The following EIF5A2 variants were observed in gnomAD, a reference collection of about 807,000 sequenced individuals.
EIF5A2 encodes the protein eukaryotic translation initiation factor 5A2, also known as eukaryotic translation initiation factor 5A-2.
A neutral mutation model predicts 16.4 loss-of-function variants in EIF5A2; 15 were observed. The observed-to-expected ratio is 0.92, with a 90% CI of 0.61 to 1.41. The LOEUF is 1.41. Among genes scored for constraint, EIF5A2 ranks in the 40% most tolerant of loss-of-function variants. The probability of loss-of-function intolerance (pLI) is 0.00; values close to 1 mark genes in which losing one functional copy is unlikely to be tolerated. For synonymous variants in EIF5A2, 48 were observed against 61.1 expected (o/e 0.79, Z 1.00); for missense variants, 144 against 189.5 (o/e 0.76, Z 1.41).
intron 1 of EIF5A2, among the ~76,000 whole-genome samples, chr3:170,908,254 AGCACCCGGCCCTCTGCTAGCTGGCGC>A (rs1162685634): frequency 6.6e-6 from 1 of 152,172 alleles, no homozygotes; most frequent in African/African-American, 2.4e-5. Flanking sequence ...CCTGGCCAGC[AGCACCCGGCCCTCTGCTAGCTGGCGC>A]GCACCCCGCC....
At chr3:170,899,282 T>G (rs1440094241) in intron 3 of EIF5A2, among the ~76,000 whole-genome samples, 1 of 152,004 alleles carries the variant, frequency 6.6e-6, no homozygotes, top group African/African-American at 2.4e-5. Flanking sequence ...CAGGCAGGAG[T>G]GTGGTGGCAT....
chr3:170,898,794 A>T (rs1484754672), intron 3 of EIF5A2, among the ~76,000 whole-genome samples: 1 of 152,042 alleles, frequency 6.6e-6, no homozygotes, highest in African/African-American at 2.4e-5. Context: ...CATTGTTCAC[A>T]TTTAATCACA....
chr3:170,894,448 G>T, intron 3 of EIF5A2, 25 bp from the exon 4 acceptor site: 7 of 1,610,890 alleles, frequency 4.3e-6, no homozygotes, highest in Non-Finnish European at 5.9e-6. Context: ...TATATCATTT[G>T]TGCTGATTAG....
At position 170,907,002 on chromosome 3, in the gene EIF5A2, C is replaced by T; in HGVS notation, c.257G>A (p.Arg86Lys). 2 of 1,602,942 alleles carry T rather than the reference C, an allele frequency of 1.2e-6. No homozygotes were observed. Among genetic ancestry groups the T allele is most frequent in the Non-Finnish European group, 1.7e-6 (2 of 1,172,742 alleles). ...THNMDVPNIKRNDYQLICIQD... is the reference protein window; with the variant it reads ...THNMDVPNIKKNDYQLICIQD... ...ATCAGTGCTTACTTGATAATCATTT[C>T]TCTTAATATTTGGAACATCCATGTT... The change falls in exon 3 of 5, where the codon AGA becomes AAA. Residue 86 changes from arginine (R) to lysine (K), a missense_variant. Physicochemically the swap from Arg to Lys is conservative, Grantham distance 26. Coordinates refer to ENST00000295822, the MANE Select transcript of EIF5A2 (RefSeq NM_020390.6).
intron 3 of EIF5A2, among the ~76,000 whole-genome samples, chr3:170,900,657 G>T (rs941064858): frequency 6.6e-6 from 1 of 152,130 alleles, no homozygotes; most frequent in Non-Finnish European, 1.5e-5. Flanking sequence ...AAATGCTCGA[G>T]TTTATAATGA....
intron 3 of EIF5A2, among the ~76,000 whole-genome samples, chr3:170,901,271 T>C (rs891621785): frequency 1.3e-5 from 2 of 152,192 alleles, no homozygotes; most frequent in Non-Finnish European, 2.9e-5. Flanking sequence ...TATACTATAC[T>C]TTGAAAATTT....
rs1440307220 is a variant in EIF5A2 at position 170,907,049 on chromosome 3, T to C, written c.210A>G (p.Glu70=). 2 of 1,613,116 alleles carry C rather than the reference T, an allele frequency of 1.2e-6. No individual in the cohort carries two copies. The highest frequency in any genetic ancestry group is 1.7e-6 in the Non-Finnish European group (2 of 1,179,534). ...TGTTGTGAGTAGAAGGACAAATATC[T>C]TCATATTTTTTGCCCGTGAAAATAT... ...GIDIFTGKKY[E]DICPSTHNMD... Residue 70 remains glutamate, a synonymous_variant, in exon 3 of 5, where the codon GAA becomes GAG. Coordinates refer to ENST00000295822, the MANE Select transcript of EIF5A2 (RefSeq NM_020390.6).
Position 170,893,435 on chromosome 3 carries a change from C to G in EIF5A2, c.403-16G>C, listed in dbSNP as rs1712583487. On this transcript the variant is annotated splice_polypyrimidine_tract_variant and intron_variant, in intron 4 of 4. Coordinates refer to ENST00000295822, the MANE Select transcript of EIF5A2 (RefSeq NM_020390.6). ...TGACAGACACCTAGAAGGAAAAAAGCAGGCAAAACGTTATTCAGAAGACAA... is the reference window on the plus strand; with the variant it reads ...TGACAGACACCTAGAAGGAAAAAAGGAGGCAAAACGTTATTCAGAAGACAA... The G allele has an allele frequency of 6.2e-7, 1 of 1,613,370 alleles. No individual in the cohort carries two copies. The highest frequency in any genetic ancestry group is 8.5e-7 in the Non-Finnish European group (1 of 1,179,764).
At chr3:170,899,683 T>C (rs150685083) in intron 3 of EIF5A2, among the ~76,000 whole-genome samples, 115 of 152,074 alleles carry the variant, frequency 7.6e-4, no homozygotes, top group African/African-American at 2.7e-3. Context: ...TCTGCCAGAT[T>C]TTTCCACTCC....
chr3:170,904,715 T>G (rs987111355), intron 3 of EIF5A2, among the ~76,000 whole-genome samples: 53 of 152,208 alleles, frequency 3.5e-4, no homozygotes, highest in African/African-American at 1.3e-3. Flanking sequence ...ATTGCCCAGG[T>G]TGGAGAACTA....
intron 3 of EIF5A2, among the ~76,000 whole-genome samples, chr3:170,898,833 C>CT (rs1479871968): frequency 1.8e-4 from 26 of 141,250 alleles, no homozygotes; most frequent in African/African-American, 6.7e-4. Context: ...TGTATACATC[C>CT]AATATATATA....
At chr3:170,897,226 G>C (rs775082152) in intron 3 of EIF5A2, among the ~76,000 whole-genome samples, 1 of 152,196 alleles carries the variant, frequency 6.6e-6, no homozygotes, top group Non-Finnish European at 1.5e-5. Context: ...TGTACATCCT[G>C]ACCATGTAGT....
rs1462491533 is a variant in EIF5A2, at chr3:170,891,491, G to T, written c.*1869C>A. 1 of 152,532 alleles carries T rather than the reference G, an allele frequency of 6.6e-6. No individual in the cohort carries two copies. The highest frequency in any genetic ancestry group is 1.9e-4 in the East Asian group (1 of 5,192). The allele number at this position is 152,532 out of a possible 1,614,324, so 9.4% of individuals were successfully genotyped here. ...TCTTGCTTCTTCCCCAAATTGGTTT[G>T]CCGAGGCTAAGACAATATTTAAAAG... On this transcript the variant is annotated 3_prime_UTR_variant, in exon 5 of 5. Coordinates refer to ENST00000295822, the MANE Select transcript of EIF5A2 (RefSeq NM_020390.6).
chr3:170,898,951 C>A (rs1042848136), intron 3 of EIF5A2, among the ~76,000 whole-genome samples: 7 of 151,968 alleles, frequency 4.6e-5, no homozygotes, highest in African/African-American at 1.7e-4. Context: ...GACTTTTCAG[C>A]AATTAAAACT....
intron 3 of EIF5A2, among the ~76,000 whole-genome samples, chr3:170,904,005 A>C (rs1243104437): frequency 6.6e-6 from 1 of 152,226 alleles, no homozygotes; most frequent in Non-Finnish European, 1.5e-5. Flanking sequence ...CTTGTGGTGA[A>C]GTTCATATCA....
intron 3 of EIF5A2, 38 bp downstream of exon 3, chr3:170,906,951 A>C: frequency 7.0e-7 from 1 of 1,420,406 alleles, no homozygotes; most frequent in East Asian, 2.3e-5. Context: ...TTGCACCTTG[A>C]AGAAACAAGC....
In EIF5A2 at chr3:170,890,347, A is replaced by G. The variant is rs1712500106; in HGVS notation, c.*3013T>C. On this transcript the variant is annotated 3_prime_UTR_variant, in exon 5 of 5. Coordinates refer to ENST00000295822, the MANE Select transcript of EIF5A2 (RefSeq NM_020390.6). ...TTTTACAGCCTAATCATTTTATTGC[A>G]GTATCTCCTATTATAGATATCATGC... is the stretch of plus-strand genomic sequence containing the variant. The G allele has an allele frequency of 6.6e-6, 1 of 152,124 alleles. No homozygotes were observed. The highest frequency in any genetic ancestry group is 1.5e-5 in the Non-Finnish European group (1 of 67,964). 9.4% of individuals were successfully genotyped at this position (152,124 alleles called of 1,614,324 possible).
rs187637335 is a variant in EIF5A2, at chr3:170,888,467, C to T, written c.*4893G>A. The stretch of plus-strand genomic sequence containing the variant: ...TAATACAACTGATGAAGTTAACAGA[C>T]AAATATATTTTAATAATATCACAAA... On this transcript the variant is annotated 3_prime_UTR_variant, in exon 5 of 5. Coordinates refer to ENST00000295822, the MANE Select transcript of EIF5A2 (RefSeq NM_020390.6). 6.6e-5 allele frequency: 10 copies of T among 152,156 alleles called. No homozygotes were observed. The highest frequency in any genetic ancestry group is 2.4e-4 in the African/African-American group (10 of 41,504). The allele number at this position is 152,156 out of a possible 1,614,324, so 9.4% of individuals were successfully genotyped here. A position where few individuals can be genotyped will look rare whatever the true frequency, so the allele number is the denominator to read the frequency against.
In EIF5A2 at chr3:170,891,913, G is replaced by A. The variant is rs1408485688; in HGVS notation, c.*1447C>T. 6.6e-6 allele frequency: 1 copy of A among 152,402 alleles called. No individual in the cohort carries two copies. Among genetic ancestry groups the A allele is most frequent in the African/African-American group, 2.4e-5 (1 of 41,370 alleles). 9.4% of individuals were successfully genotyped at this position (152,402 alleles called of 1,614,324 possible). On this transcript the variant is annotated 3_prime_UTR_variant, in exon 5 of 5. Coordinates refer to ENST00000295822, the MANE Select transcript of EIF5A2 (RefSeq NM_020390.6). ...TATTTGCTAGTTATAGTTCACACCAGCAACTGAATTAAGTCACACAACAAT... is the reference window on the plus strand; with the variant it reads ...TATTTGCTAGTTATAGTTCACACCAACAACTGAATTAAGTCACACAACAAT...
Sources: gnomAD v4.1 joint callset for allele counts (sites outside exome capture counted in the v4.1 genomes callset) on GRCh38, gnomAD v4.1.1 for gene constraint, MANE v1.5 for transcripts, NCBI Gene and HGNC (gene_info 2026-07-23, HGNC 2026-07-21) for gene names.